Variants in SVEP1 observed in about 807,000 individuals in gnomAD.
SVEP1 encodes sushi, von Willebrand factor type A, EGF and pentraxin domain containing 1, also known as sushi, von Willebrand factor type A, EGF and pentraxin domain-containing protein 1.
SVEP1 carries 164 observed loss-of-function variants against 367.3 expected under a neutral mutation model. That is an observed-to-expected ratio of 0.45 (90% CI 0.39 to 0.51). The LOEUF (loss-of-function observed/expected upper bound fraction) is 0.51. SVEP1 is among the 20% of genes least tolerant of loss of function. The pLI is 0.00. For synonymous variants in SVEP1, 1,666 were observed against 1,611.6 expected, an observed-to-expected ratio of 1.03 and a Z score of -0.81; for missense variants, 4,117 against 4,425.3, an observed-to-expected ratio of 0.93 and a Z score of 1.98.
At position 110,407,457 on chromosome 9, in the gene SVEP1, T is replaced by C. The variant is rs1474631337; in HGVS notation, c.8143A>G (p.Ile2715Val). The C allele has an allele frequency of 1.2e-6, 2 of 1,614,008 alleles. No homozygotes were observed. The highest frequency in any genetic ancestry group is 2.2e-5 in the East Asian group (1 of 44,882). ...GGAGCAGTAGGCAAGTCACATTCAA[T>C]TGAAATGCAGGATGGTGCACTGCCA... ...WNGSAPSCIS[I>V]ECDLPTAPEN... Residue 2715 changes from isoleucine (I) to valine (V), a missense_variant, in exon 38 of 48, where the codon ATT becomes GTT. Physicochemically the swap from Ile to Val is conservative, Grantham distance 29. This residue lies in a region of SVEP1 where 1,765 missense variants were observed against 1,781.1 expected (regional missense o/e 0.99). Coordinates refer to ENST00000374469, the MANE Select transcript of SVEP1 (RefSeq NM_153366.4).
At position 110,435,364 on chromosome 9, in the gene SVEP1, C is replaced by A. The variant is rs750367402; in HGVS notation, c.4765G>T (p.Val1589Leu). The A allele has an allele frequency of 1.7e-5, 27 of 1,612,660 alleles. No homozygotes were observed. Among genetic ancestry groups the A allele is most frequent in the Non-Finnish European group, 1.8e-5 (21 of 1,179,126 alleles). ...GGGCAGGAGGTAGCCAGTGACTTCA[C>A]CTGAAAGTTTAATAACACTTTAGAT... ...LWDYVLSPQQ[V>L]KSLATSCPEE... The change falls in exon 29 of 48, where the codon GTG (valine) becomes TTG (leucine). Residue 1589 changes from valine (V) to leucine (L), a missense_variant and splice_region_variant. Physicochemically the swap from Val to Leu is conservative, Grantham distance 32. Transcript: ENST00000374469.
At chr9:110,369,442 T>C (rs1325017159) in intron 47 of SVEP1, 1 of 152,356 alleles carries the variant, frequency 6.6e-6, no homozygotes, top group African/African-American at 2.4e-5. Context: ...ATACTATTTT[T>C]ATTGTAATGA....
intron 22 of SVEP1, among the ~76,000 whole-genome samples, chr9:110,452,617 G>A (rs914650215): frequency 6.6e-6 from 1 of 152,222 alleles, no homozygotes; most frequent in African/African-American, 2.4e-5. Flanking sequence ...TGGTCTCACA[G>A]CATGTGGACC....
At chr9:110,556,187 T>C (rs1434580593) in intron 1 of SVEP1, among the ~76,000 whole-genome samples, 1 of 152,128 alleles carries the variant, frequency 6.6e-6, no homozygotes, top group Non-Finnish European at 1.5e-5. Flanking sequence ...GCAACAGTCA[T>C]TAGAATGACA....
intron 3 of SVEP1, among the ~76,000 whole-genome samples, chr9:110,532,304 T>C (rs1047139719): frequency 2.6e-5 from 4 of 152,178 alleles, no homozygotes; most frequent in Non-Finnish European, 5.9e-5. Flanking sequence ...AGAGAGAAGA[T>C]ATTTATGACC....
chr9:110,372,471 G>C (rs1162760949), intron 46 of SVEP1, among the ~76,000 whole-genome samples: 1 of 152,196 alleles, frequency 6.6e-6, no homozygotes, highest in Admixed American at 6.5e-5. Flanking sequence ...ATAGAGTTCA[G>C]TGTCATTAGG....
intron 3 of SVEP1, among the ~76,000 whole-genome samples, chr9:110,542,525 T>C (rs572717237): frequency 4.6e-5 from 7 of 152,324 alleles, no homozygotes; most frequent in African/African-American, 1.7e-4. Flanking sequence ...ATCTCAGCTG[T>C]CTGTCTAACT....
rs1251262348 is a variant in SVEP1 at position 110,405,468 on chromosome 9, C to T, written c.9440+692G>A. Among the ~76,000 whole-genome samples, 3 of 151,546 alleles carry T rather than the reference C, an allele frequency of 2.0e-5. 1 individual carries two copies. Among genetic ancestry groups the T allele is most frequent in the South Asian group, 4.2e-4 (2 of 4,782 alleles). ...GTGGACTCAGATACTAGTAGGAATA[C>T]AGCATAATTCATATGTATTATGAAT... On this transcript the variant is annotated intron_variant, in intron 38 of 47. Coordinates refer to ENST00000374469, the MANE Select transcript of SVEP1 (RefSeq NM_153366.4).
chr9:110,504,504 A>T (rs1347246475), intron 5 of SVEP1, among the ~76,000 whole-genome samples: 1 of 152,254 alleles, frequency 6.6e-6, no homozygotes, highest in Admixed American at 6.5e-5. Context: ...CTGTGGGAAC[A>T]TATCATGCAC....
rs1486824568 is a variant in SVEP1, at chr9:110,457,271, G to T, written c.3658C>A (p.Pro1220Thr). ...GGTTATTTACCTGTATATCCAAGTG[G>T]ACAGAGACAAACATAACCACGCCCA... ...QLGRGYVCLC[P>T]LGYTGLKCET... Residue 1220 changes from proline (P) to threonine (T), a missense_variant, in exon 21 of 48, where the codon CCA becomes ACA. By Grantham distance (38) the Pro-to-Thr change is conservative. Transcript: ENST00000374469. 1.9e-6 allele frequency: 3 copies of T among 1,610,438 alleles called. No homozygotes were observed. The African/African-American group carries it at 4.0e-5, about 22-fold the overall frequency.
At chr9:110,378,272 C>A (rs1933104696) in intron 44 of SVEP1, among the ~76,000 whole-genome samples, 3 of 152,132 alleles carry the variant, frequency 2.0e-5, no homozygotes, top group South Asian at 2.1e-4. Context: ...GATGTCCCCC[C>A]TCAAAAGGCT....
At chr9:110,552,705 A>G (rs1397372826) in intron 1 of SVEP1, among the ~76,000 whole-genome samples, 1 of 152,126 alleles carries the variant, frequency 6.6e-6, no homozygotes, top group African/African-American at 2.4e-5. Flanking sequence ...GGCAGAGCTC[A>G]GGTGGTAATG....
intron 1 of SVEP1, among the ~76,000 whole-genome samples, chr9:110,552,083 G>GTGCA (rs1830294786): frequency 7.0e-6 from 1 of 142,882 alleles, no homozygotes; most frequent in South Asian, 2.3e-4. Flanking sequence ...CCAGGCTGGA[G>GTGCA]TGCAGTGGTG....
intron 1 of SVEP1, among the ~76,000 whole-genome samples, chr9:110,574,156 G>C (rs1345401538): frequency 2.0e-5 from 3 of 152,206 alleles, no homozygotes; most frequent in South Asian, 4.1e-4. Context: ...ATTTCATGTT[G>C]TTAAAGAAAA....
chr9:110,507,504 C>T (rs1829643053), intron 5 of SVEP1, among the ~76,000 whole-genome samples: 3 of 152,114 alleles, frequency 2.0e-5, no homozygotes, highest in African/African-American at 4.8e-5. Flanking sequence ...TCCATTACTC[C>T]TTAGAGAAAA....
chr9:110,526,502 T>C (rs892604080), intron 3 of SVEP1, among the ~76,000 whole-genome samples: 4 of 151,942 alleles, frequency 2.6e-5, no homozygotes, highest in African/African-American at 9.7e-5. Context: ...CCTATCAGAA[T>C]AGCTAAAATG....
At chr9:110,516,272 T>C (rs1472302840) in intron 3 of SVEP1, among the ~76,000 whole-genome samples, 2 of 151,274 alleles carry the variant, frequency 1.3e-5, no homozygotes, top group Non-Finnish European at 2.9e-5. Context: ...AAAAATCATA[T>C]TGAAAGGTGG....
intron 9 of SVEP1, among the ~76,000 whole-genome samples, chr9:110,488,855 AG>A (rs747321585): frequency 6.6e-6 from 1 of 152,118 alleles, no homozygotes; most frequent in Non-Finnish European, 1.5e-5. Context: ...TCCAGTCTGG[AG>A]GACGGAGTGA....
intron 43 of SVEP1, among the ~76,000 whole-genome samples, chr9:110,383,494 C>T (rs1159171047): frequency 1.3e-5 from 2 of 151,682 alleles, no homozygotes; most frequent in African/African-American, 4.9e-5. Context: ...CTAGCAGGAA[C>T]ACCCTTGTAT....
Sources: gnomAD v4.1 joint callset for allele counts (sites outside exome capture counted in the v4.1 genomes callset) on GRCh38, gnomAD v4.1.1 for gene constraint, gnomAD v4.1.1 regional missense constraint, MANE v1.5 for transcripts, NCBI Gene and HGNC (gene_info 2026-07-23, HGNC 2026-07-21) for gene names.